NTM: variants seen among roughly 807,000 people sequenced by gnomAD.
NTM encodes the protein neurotrimin, also known as IgLON family member 2.
NTM carries 13 observed loss-of-function variants against 42.1 expected under a neutral mutation model. The ratio of observed to expected loss-of-function variants is 0.31; its 90% confidence interval spans 0.20 to 0.49. The LOEUF is 0.49. Among genes scored for constraint, NTM ranks in the 20% least tolerant of loss-of-function variants. The pLI, the probability that NTM is intolerant of heterozygous loss-of-function variation, is 0.99. For synonymous variants in NTM, 187 were observed against 179.2 expected (o/e 1.04, Z -0.35); for missense variants, 373 against 452.8 (o/e 0.82, Z 1.60).
intron 1 of NTM, among the ~76,000 whole-genome samples, chr11:131,621,825 G>GAAAAAA (rs34307645): frequency 9.5e-6 from 1 of 105,538 alleles, no homozygotes; most frequent in African/African-American, 3.5e-5. Flanking sequence ...TCAACTCAAA[G>GAAAAAA]AAAAAAAAAA....
intron 1 of NTM, among the ~76,000 whole-genome samples, chr11:131,553,778 G>A (rs577580120): frequency 6.6e-6 from 1 of 152,292 alleles, no homozygotes; most frequent in Admixed American, 6.5e-5. Context: ...TGCAAAGCAA[G>A]TTATATCATA....
chr11:131,968,029 CATAA>C (rs2063058063), intron 2 of NTM, among the ~76,000 whole-genome samples: 2 of 152,260 alleles, frequency 1.3e-5, no homozygotes, highest in African/African-American at 4.8e-5. Flanking sequence ...CTAGAAATAA[CATAA>C]ATAAATGCGA....
intron 2 of NTM, among the ~76,000 whole-genome samples, chr11:132,116,095 C>G (rs1306054709): frequency 1.3e-5 from 2 of 152,216 alleles, no homozygotes; most frequent in Non-Finnish European, 2.9e-5. Context: ...CAGTCAGAAA[C>G]CACTCTAGGT....
At chr11:132,165,482 A>C (rs1004338199) in intron 3 of NTM, among the ~76,000 whole-genome samples, 1 of 152,196 alleles carries the variant, frequency 6.6e-6, no homozygotes, top group African/African-American at 2.4e-5. Context: ...CCTGTGTCAC[A>C]TGGTCACAGT....
chr11:131,617,914 T>A (rs1419009925), intron 1 of NTM, among the ~76,000 whole-genome samples: 2 of 152,084 alleles, frequency 1.3e-5, no homozygotes, highest in East Asian at 3.9e-4. Flanking sequence ...CAGTGTGCCG[T>A]CTGACCTTGA....
intron 1 of NTM, among the ~76,000 whole-genome samples, chr11:131,737,188 GA>G (rs753100013): frequency 2.0e-5 from 3 of 152,192 alleles, no homozygotes; most frequent in Non-Finnish European, 4.4e-5. Context: ...TCATTTAACG[GA>G]AGAGAATTGG....
At position 131,831,023 on chromosome 11, in the gene NTM, C is replaced by T. The variant is rs114656447; in HGVS notation, c.83-80541C>T. On this transcript the variant is annotated intron_variant, in intron 1 of 8. Transcript: ENST00000683400. ...GCTACTGATTTTTGTACATGGATTC[C>T]GAAACTTTACTGAAGTCCTTTATCA... Among the ~76,000 whole-genome samples, 1,020 of 152,078 alleles carry T rather than the reference C, an allele frequency of 6.7e-3. 15 individuals are homozygous for T. The highest frequency in any genetic ancestry group is 0.023 in the African/African-American group (945 of 41,494).
chr11:132,095,862 C>T (rs906811442), intron 2 of NTM, among the ~76,000 whole-genome samples: 1 of 152,228 alleles, frequency 6.6e-6, no homozygotes, highest in Non-Finnish European at 1.5e-5. Flanking sequence ...GCCTAATGAC[C>T]AGGAACACCC....
intron 1 of NTM, among the ~76,000 whole-genome samples, chr11:131,889,463 T>C (rs913357653): frequency 1.3e-5 from 2 of 152,186 alleles, no homozygotes; most frequent in African/African-American, 4.8e-5. Flanking sequence ...CTTTGATGTG[T>C]GCTAAGCAAA....
intron 1 of NTM, among the ~76,000 whole-genome samples, chr11:131,595,278 G>A (rs534611552): frequency 2.0e-5 from 3 of 152,158 alleles, no homozygotes; most frequent in African/African-American, 7.2e-5. Flanking sequence ...ATCACCATGC[G>A]CCTCCACCAG....
intron 2 of NTM, among the ~76,000 whole-genome samples, chr11:132,111,611 G>T (rs920394478): frequency 6.6e-6 from 1 of 152,194 alleles, no homozygotes; most frequent in Non-Finnish European, 1.5e-5. Flanking sequence ...AGTATGCCCT[G>T]TGTAAGATAG....
chr11:131,724,815 C>T (rs570081190), intron 1 of NTM, among the ~76,000 whole-genome samples: 1 of 152,280 alleles, frequency 6.6e-6, no homozygotes, highest in East Asian at 1.9e-4. Context: ...CAGGCACAGC[C>T]TGGGGTGGGG....
At chr11:131,871,377 T>C (rs2047761385) in intron 1 of NTM, among the ~76,000 whole-genome samples, 1 of 152,208 alleles carries the variant, frequency 6.6e-6, no homozygotes, top group South Asian at 2.1e-4. Context: ...TCAGACCCTT[T>C]TTCCAAGTAG....
intron 1 of NTM, among the ~76,000 whole-genome samples, chr11:131,703,449 A>G (rs1022568845): frequency 7.9e-5 from 12 of 152,374 alleles, no homozygotes; most frequent in Admixed American, 6.5e-4. Context: ...GCCCAAAGCA[A>G]TGACATAAAT....
chr11:131,384,334 A>G (rs1217577364), intron 1 of NTM, among the ~76,000 whole-genome samples: 1 of 152,232 alleles, frequency 6.6e-6, no homozygotes, highest in Non-Finnish European at 1.5e-5. Flanking sequence ...AAATCTGGAA[A>G]GCATGAGGCC....
intron 1 of NTM, among the ~76,000 whole-genome samples, chr11:131,371,308 C>A (rs1240531001): frequency 6.6e-6 from 1 of 152,136 alleles, no homozygotes; most frequent in Non-Finnish European, 1.5e-5. Context: ...TATCGGCCAG[C>A]GAACTTGCAA....
chr11:132,212,911 G>A (rs192307760), intron 4 of NTM, among the ~76,000 whole-genome samples: 66 of 152,052 alleles, frequency 4.3e-4, no homozygotes, highest in East Asian at 7.7e-4. Context: ...AAGCCAAAGC[G>A]GTGAAGTTTT....
chr11:132,054,297 A>C (rs1297657059), intron 2 of NTM, among the ~76,000 whole-genome samples: 2 of 150,896 alleles, frequency 1.3e-5, no homozygotes, highest in African/African-American at 2.4e-5. Flanking sequence ...GAGATTTGCT[A>C]TATAGCCAAG....
chr11:131,894,275 G>GAAGTGTTCATACT (rs2051876387), intron 1 of NTM, among the ~76,000 whole-genome samples: 3 of 152,210 alleles, frequency 2.0e-5, no homozygotes, highest in African/African-American at 7.2e-5. Flanking sequence ...TTCAGGCTTG[G>GAAGTGTTCATACT]TCTATAAAGT....
Sources: allele counts gnomAD v4.1 joint callset (sites outside exome capture counted in the v4.1 genomes callset), GRCh38; gene constraint gnomAD v4.1.1; transcripts MANE v1.5; gene names NCBI Gene and HGNC (gene_info 2026-07-23, HGNC 2026-07-21).